The following PRH1 variants were observed in gnomAD, a reference collection of about 807,000 sequenced individuals.
PRH1 encodes the protein proline rich protein HaeIII subfamily 1.
Under a neutral mutation model 7.9 loss-of-function variants are expected in PRH1, and 7 were observed. The observed-to-expected ratio is 0.89, with a 90% confidence interval of 0.50 to 1.67. The LOEUF is 1.67. Ranked by LOEUF, PRH1 falls within the 40% of genes most tolerant of loss-of-function variation. The pLI is 0.00. For missense variants in PRH1, 109 were observed against 223.6 expected (o/e 0.49, Z 3.27); for synonymous variants, 45 against 80.8 (o/e 0.56, Z 2.38).
At chr12:10,927,576 T>A (rs1030032890) in intron 2 of PRH1, among the ~76,000 whole-genome samples, 2 of 152,324 alleles carry the variant, frequency 1.3e-5, no homozygotes, top group Admixed American at 6.5e-5. Flanking sequence ...GGGTCCCTTA[T>A]GAGAACATTG....
At chr12:10,956,446 C>G (rs1418639570) in intron 2 of PRH1, among the ~76,000 whole-genome samples, 1 of 152,134 alleles carries the variant, frequency 6.6e-6, no homozygotes, top group Non-Finnish European at 1.5e-5. Flanking sequence ...CCACCCATGA[C>G]AAACCCACAG....
intron 1 of PRH1, among the ~76,000 whole-genome samples, chr12:11,109,955 C>T (rs1592031767): frequency 6.6e-6 from 1 of 152,046 alleles, no homozygotes; most frequent in African/African-American, 2.4e-5. Flanking sequence ...CTGGAATAAC[C>T]AGTTTAGAAA....
chr12:11,054,757 G>C (rs1032156415), intron 1 of PRH1, among the ~76,000 whole-genome samples: 1 of 150,536 alleles, frequency 6.6e-6, no homozygotes, highest in Non-Finnish European at 1.5e-5. Context: ...AGAAAAAAAG[G>C]TGTCTAGTGT....
intron 1 of PRH1, among the ~76,000 whole-genome samples, chr12:11,058,959 C>T (rs1432711807): frequency 6.6e-6 from 1 of 152,188 alleles, no homozygotes; most frequent in East Asian, 1.9e-4. Context: ...TGGCCAGCAC[C>T]TTGCCTGATC....
intron 1 of PRH1, among the ~76,000 whole-genome samples, chr12:11,153,432 A>C (rs950742378): frequency 1.3e-5 from 2 of 152,242 alleles, no homozygotes; most frequent in African/African-American, 4.8e-5. Context: ...TAAAGTCAGG[A>C]AATTTGCTAA....
intron 1 of PRH1, chr12:10,986,477 G>T (rs1939634961): frequency 1.2e-6 from 2 of 1,613,914 alleles, no homozygotes; most frequent in South Asian, 2.2e-5. Context: ...TCACCAGAAT[G>T]ACACTCCTAA....
At chr12:11,156,721 T>A (rs780550228) in intron 1 of PRH1, among the ~76,000 whole-genome samples, 23 of 152,326 alleles carry the variant, frequency 1.5e-4, no homozygotes, top group Admixed American at 2.6e-4. Context: ...GTTATTTCTA[T>A]GGATAAATAA....
At chr12:11,126,147 T>C (rs894302283) in intron 1 of PRH1, among the ~76,000 whole-genome samples, 2 of 152,290 alleles carry the variant, frequency 1.3e-5, no homozygotes, top group African/African-American at 4.8e-5. Context: ...TTACCACATC[T>C]TGGTCATGAA....
intron 1 of PRH1, chr12:11,166,143 T>TG (rs1217762865): frequency 2.0e-5 from 3 of 152,322 alleles, no homozygotes; most frequent in Non-Finnish European, 2.9e-5. Flanking sequence ...TTTCACCCAG[T>TG]GTCAGCATGG....
chr12:10,953,449 C>T (rs538188014), intron 2 of PRH1, among the ~76,000 whole-genome samples: 91 of 152,292 alleles, frequency 6.0e-4, no homozygotes, highest in Non-Finnish European at 1.1e-3. Flanking sequence ...AACATCACTT[C>T]ACGAATTTTG....
At chr12:11,125,967 T>C (rs1375315929) in intron 1 of PRH1, among the ~76,000 whole-genome samples, 1 of 150,722 alleles carries the variant, frequency 6.6e-6, no homozygotes, top group African/African-American at 2.4e-5. Flanking sequence ...GCAAAAATTC[T>C]AATTACCATG....
At chr12:10,962,668 T>A (rs1023935430) in intron 2 of PRH1, among the ~76,000 whole-genome samples, 1 of 152,246 alleles carries the variant, frequency 6.6e-6, no homozygotes, top group Non-Finnish European at 1.5e-5. Flanking sequence ...CTCTATTCAC[T>A]AACTCATTTG....
In PRH1 at chr12:11,141,488, T is replaced by C. The variant is rs138540666; in HGVS notation, n.40-20308A>G. On this transcript the variant is annotated intron_variant and non_coding_transcript_variant, in intron 1 of 1. Transcript: ENST00000541175. ...TTTATTTTTCATTTTTACAGTATAA[T>C]TGTTTCTAAGAGAGGATTTTGGAGT... Among the ~76,000 whole-genome samples, 506 of 152,316 alleles carry C rather than the reference T, an allele frequency of 3.3e-3. 4 individuals carry two copies. The highest frequency in any genetic ancestry group is 5.6e-3 in the Non-Finnish European group (382 of 68,024).
rs1237000023 is a variant in PRH1 at position 11,087,313 on chromosome 12, G to C, written n.124-40125C>G. Among the ~76,000 whole-genome samples the C allele has an allele frequency of 2.6e-5, 3 of 116,760 alleles. 1 individual carries two copies. The highest frequency in any genetic ancestry group is 2.6e-4 in the Admixed American group (3 of 11,744). The allele number at this position is 116,760 out of a possible 152,430, so 76.6% of individuals were successfully genotyped here. On this transcript the variant is annotated intron_variant and non_coding_transcript_variant, in intron 1 of 4. Transcript: ENST00000541977. ...GATGGAGTTTCCATATGTTGCAAAG[G>C]GAACTCCTGCTCTCAAGGGGTCCTC... is the stretch of plus-strand genomic sequence containing the variant.
chr12:11,097,792 G>A (rs1338669184), intron 1 of PRH1, among the ~76,000 whole-genome samples: 1 of 113,634 alleles, frequency 8.8e-6, no homozygotes, highest in Non-Finnish European at 2.1e-5. Flanking sequence ...TTTGGTAAAT[G>A]TGATTTCAGG....
chr12:11,090,421 G>GA (rs1254178357), intron 1 of PRH1, among the ~76,000 whole-genome samples: 13 of 100,748 alleles, frequency 1.3e-4, no homozygotes, highest in Non-Finnish European at 1.9e-4. Context: ...AAGTGCTTTA[G>GA]AAAGAATACT....
At chr12:10,891,193 A>G (rs1429168392) in intron 2 of PRH1, among the ~76,000 whole-genome samples, 1 of 152,182 alleles carries the variant, frequency 6.6e-6, no homozygotes, top group Non-Finnish European at 1.5e-5. Context: ...CCAGTATGCA[A>G]GACACATTTA....
intron 1 of PRH1, among the ~76,000 whole-genome samples, chr12:11,100,620 C>G (rs2708362): frequency 0.46 from 69,210 of 152,022 alleles, 16,559 homozygotes; most frequent in Non-Finnish European, 0.53. Flanking sequence ...ATCTTTAAAA[C>G]ATCAAATAGT....
At chr12:11,067,825 T>C (rs1333294261) in intron 1 of PRH1, among the ~76,000 whole-genome samples, 1 of 152,216 alleles carries the variant, frequency 6.6e-6, no homozygotes. Context: ...ATTCTGCTTG[T>C]GCACTCCAGC....
Sources: gnomAD v4.1 joint callset for allele counts (sites outside exome capture counted in the v4.1 genomes callset) on GRCh38, gnomAD v4.1.1 for gene constraint, MANE v1.5 for transcripts, NCBI Gene and HGNC (gene_info 2026-07-23, HGNC 2026-07-21) for gene names.